PARD3B: variants seen among roughly 807,000 people sequenced by gnomAD.
PARD3B encodes the protein partitioning defective 3 homolog B.
Under a neutral mutation model 130.2 loss-of-function variants are expected in PARD3B, and 103 were observed. That is an observed-to-expected ratio of 0.79 (90% confidence interval 0.67 to 0.93). The LOEUF (loss-of-function observed/expected upper bound fraction) is 0.93, where lower values mean the gene tolerates loss of function less well. Ranked by LOEUF, PARD3B falls within the 40% of genes least tolerant of loss-of-function variation. PARD3B has a pLI of 0.00. For synonymous variants in PARD3B, 583 were observed against 553.2 expected (o/e 1.05, Z -0.76); for missense variants, 1,609 against 1,499.2 (o/e 1.07, Z -1.21).
chr2:205,615,412 C>A, intron 22 of PARD3B, 44 bp from the exon 23 acceptor site: 2 of 1,507,680 alleles, frequency 1.3e-6, no homozygotes, highest in Admixed American at 2.1e-5. Flanking sequence ...AGCCGGACGG[C>A]CAGCTTAGGA....
intron 21 of PARD3B, among the ~76,000 whole-genome samples, chr2:205,522,667 C>T (rs1459432272): frequency 6.6e-6 from 1 of 152,048 alleles, no homozygotes; most frequent in East Asian, 1.9e-4. Flanking sequence ...GTGGTACTGG[C>T]ACACTAGTAG....
intron 2 of PARD3B, among the ~76,000 whole-genome samples, chr2:204,872,180 G>A (rs2045653939): frequency 6.6e-6 from 1 of 151,908 alleles, no homozygotes; most frequent in African/African-American, 2.4e-5. Context: ...ACACAATACA[G>A]AAAATGATGG....
chr2:204,807,436 G>A (rs1204428735), intron 2 of PARD3B, among the ~76,000 whole-genome samples: 1 of 152,046 alleles, frequency 6.6e-6, no homozygotes, highest in Non-Finnish European at 1.5e-5. Flanking sequence ...ACACTAGGAG[G>A]TTCCTCAAAA....
rs2051272209 is a variant in PARD3B, at chr2:205,525,006, C to G, written c.3180+24975C>G. Among the ~76,000 whole-genome samples the G allele has an allele frequency of 6.6e-6, 1 of 152,192 alleles. No homozygotes were observed. The highest frequency in any genetic ancestry group is 2.1e-4 in the South Asian group (1 of 4,832). On this transcript the variant is annotated intron_variant, in intron 21 of 22. Transcript: ENST00000406610. This position sits in a 1 kb window ranked among gnomAD's most constrained non-coding sequence, Gnocchi z 4.2. ...TTTTTATTCAGAATTTGATACCCAT[C>G]AAAACACTTAAACCTCGCCAGAATA...
At position 204,545,902 on chromosome 2, in the gene PARD3B, T is replaced by C. The variant is rs574436659; in HGVS notation, c.-98T>C. ...TCCGGGGAGCGGCGCCCCGGGTCTC[T>C]GGGCCCACCCGCCCCGGGCGTCCTC... On this transcript the variant is annotated 5_prime_UTR_variant, in exon 1 of 23. Transcript: ENST00000406610. 5.0e-5 allele frequency: 67 copies of C among 1,346,610 alleles called. 1 individual carries two copies. Among genetic ancestry groups the C allele is most frequent in the Middle Eastern group, 5.5e-4 (2 of 3,666 alleles). 83.4% of individuals were successfully genotyped at this position (1,346,610 alleles called of 1,614,324 possible).
At chr2:205,056,197 C>T (rs1337406094) in intron 4 of PARD3B, among the ~76,000 whole-genome samples, 2 of 150,714 alleles carry the variant, frequency 1.3e-5, no homozygotes, top group Non-Finnish European at 1.5e-5. Flanking sequence ...AACTCTCTTA[C>T]GATAGGGGAC....
intron 22 of PARD3B, among the ~76,000 whole-genome samples, chr2:205,581,965 T>C (rs34179104): frequency 2.2e-3 from 341 of 152,274 alleles, no homozygotes; most frequent in Non-Finnish European, 3.8e-3. Flanking sequence ...CTGGTCCTGC[T>C]GTCTTCATTT....
intron 2 of PARD3B, among the ~76,000 whole-genome samples, chr2:204,794,356 A>G (rs13410699): frequency 0.038 from 5,859 of 152,276 alleles, 157 homozygotes; most frequent in African/African-American, 0.071. Context: ...AAGTAACGTG[A>G]ACCCTTGATG....
intron 4 of PARD3B, among the ~76,000 whole-genome samples, chr2:205,055,123 T>C (rs1699552681): frequency 6.6e-6 from 1 of 152,224 alleles, no homozygotes; most frequent in South Asian, 2.1e-4. Flanking sequence ...ATCACAAATA[T>C]ATGACTAGAT....
At chr2:205,131,765 C>T (rs2032020271) in intron 10 of PARD3B, among the ~76,000 whole-genome samples, 1 of 152,062 alleles carries the variant, frequency 6.6e-6, no homozygotes, top group African/African-American at 2.4e-5. Context: ...ACAATAAGAC[C>T]GTAAGCAGCC....
intron 22 of PARD3B, among the ~76,000 whole-genome samples, chr2:205,594,750 A>C (rs1439008903): frequency 6.6e-6 from 1 of 152,218 alleles, no homozygotes. Flanking sequence ...GGGAGTGTAT[A>C]AAAATGAGCC....
intron 2 of PARD3B, among the ~76,000 whole-genome samples, chr2:204,898,401 A>G (rs1322989174): frequency 2.6e-5 from 4 of 151,944 alleles, no homozygotes; most frequent in South Asian, 2.1e-4. Flanking sequence ...CATTCATTCT[A>G]TGTACTTATA....
chr2:205,401,123 G>GGTGAGCA lies in PARD3B; in HGVS notation c.2741+2_2741+8dup. On this transcript the variant is annotated stop_gained and frameshift_variant and splice_region_variant. Coordinates refer to ENST00000406610, the MANE Select transcript of PARD3B (RefSeq NM_001302769.2). LOFTEE classifies it high-confidence loss of function. Reference sequence around the variant, plus strand: ...GAGAAAATGAAAGAAGAGCGTGAAAGGTGAGCAGAAGTGCCGAGACCTTCA... The same window carrying GGTGAGCA: ...GAGAAAATGAAAGAAGAGCGTGAAAGGTGAGCAGTGAGCAGAAGTGCCGAGACCTTCA... 2 of 1,585,998 alleles carry GGTGAGCA rather than the reference G, an allele frequency of 1.3e-6. No individual in the cohort carries two copies. Among genetic ancestry groups the GGTGAGCA allele is most frequent in the Non-Finnish European group, 1.7e-6 (2 of 1,164,536 alleles).
At chr2:205,032,396 G>C (rs1424815452) in intron 3 of PARD3B, among the ~76,000 whole-genome samples, 2 of 152,140 alleles carry the variant, frequency 1.3e-5, no homozygotes, top group Non-Finnish European at 2.9e-5. Context: ...ATCATGAACA[G>C]AGTGCGACTT....
intron 18 of PARD3B, among the ~76,000 whole-genome samples, chr2:205,324,868 C>T (rs2042885286): frequency 6.6e-6 from 1 of 152,042 alleles, no homozygotes; most frequent in South Asian, 2.1e-4. Flanking sequence ...TCCGTAGGTA[C>T]CCCAAAATCA....
At chr2:204,855,049 C>T (rs934034412) in intron 2 of PARD3B, among the ~76,000 whole-genome samples, 1 of 152,040 alleles carries the variant, frequency 6.6e-6, no homozygotes, top group African/African-American at 2.4e-5. Flanking sequence ...TTAGGCATGA[C>T]ATTTACATAG....
At chr2:204,590,253 G>A (rs1169486336) in intron 1 of PARD3B, among the ~76,000 whole-genome samples, 1 of 151,982 alleles carries the variant, frequency 6.6e-6, no homozygotes, top group Non-Finnish European at 1.5e-5. Context: ...CTTTTATAAG[G>A]GCACTAATTC....
chr2:204,791,558 T>C (rs1016555071), intron 2 of PARD3B, among the ~76,000 whole-genome samples: 1 of 152,222 alleles, frequency 6.6e-6, no homozygotes, highest in Non-Finnish European at 1.5e-5. Flanking sequence ...TCAGAAACCA[T>C]TTTGGAGAAT....
intron 15 of PARD3B, among the ~76,000 whole-genome samples, chr2:205,196,129 T>C (rs1041643915): frequency 6.6e-6 from 1 of 152,188 alleles, no homozygotes; most frequent in African/African-American, 2.4e-5. Flanking sequence ...CTTTTACCTA[T>C]TCATCAGACA....
Sources: allele counts gnomAD v4.1 joint callset (sites outside exome capture counted in the v4.1 genomes callset), GRCh38; gene constraint gnomAD v4.1.1; non-coding constraint Gnocchi (gnomAD v3.1); transcripts MANE v1.5; gene names NCBI Gene and HGNC (gene_info 2026-07-23, HGNC 2026-07-21).